The following AIG1 variants were observed in gnomAD, a reference collection of about 807,000 sequenced individuals.
The protein encoded by AIG1 is androgen induced 1, also known as androgen-induced gene 1 protein.
In AIG1, 23 loss-of-function variants were observed where a neutral mutation model predicts 31.4. The ratio of observed to expected loss-of-function variants is 0.73; its 90% confidence interval spans 0.53 to 1.04. The LOEUF (loss-of-function observed/expected upper bound fraction) is 1.04, where lower values mean the gene tolerates loss of function less well. Among genes scored for constraint, AIG1 ranks in the 50% least tolerant of loss-of-function variants. The pLI is 0.00. For synonymous variants in AIG1, 100 were observed against 110.5 expected, an observed-to-expected ratio of 0.90 and a Z score of 0.60; for missense variants, 274 against 295.0, an observed-to-expected ratio of 0.93 and a Z score of 0.52.
intron 5 of AIG1, among the ~76,000 whole-genome samples, chr6:143,337,497 G>T (rs73000105): frequency 1.1e-4 from 16 of 151,974 alleles, no homozygotes; most frequent in Non-Finnish European, 1.8e-4. Context: ...TGGAGCGCGG[G>T]GGGGGACACA....
At chr6:143,099,883 T>C (rs1780096978) in intron 1 of AIG1, among the ~76,000 whole-genome samples, 1 of 152,212 alleles carries the variant, frequency 6.6e-6, no homozygotes, top group Admixed American at 6.5e-5. Context: ...TAGAAGTGTG[T>C]ATTTGTAGAA....
At chr6:143,138,989 A>G (rs1396544488) in intron 2 of AIG1, among the ~76,000 whole-genome samples, 1 of 151,930 alleles carries the variant, frequency 6.6e-6, no homozygotes, top group Non-Finnish European at 1.5e-5. Context: ...CTCTACAGGG[A>G]AAATTTTGAC....
chr6:143,204,187 A>G (rs999859691), intron 3 of AIG1, among the ~76,000 whole-genome samples: 3 of 152,188 alleles, frequency 2.0e-5, no homozygotes, highest in Non-Finnish European at 4.4e-5. Context: ...ACTTTGTTAT[A>G]GCTTAGGATT....
At chr6:143,261,969 C>T (rs1407156369) in intron 3 of AIG1, among the ~76,000 whole-genome samples, 1 of 152,214 alleles carries the variant, frequency 6.6e-6, no homozygotes, top group Admixed American at 6.5e-5. Context: ...GATTATCTTT[C>T]AGAAAGCATT....
At chr6:143,192,287 A>G in intron 3 of AIG1, among the ~76,000 whole-genome samples, 1 of 152,200 alleles carries the variant, frequency 6.6e-6, no homozygotes, top group Non-Finnish European at 1.5e-5. Flanking sequence ...GACTGAAGGA[A>G]TAAGTCCTCA....
At chr6:143,134,348 A>G (rs1335387863) in intron 1 of AIG1, among the ~76,000 whole-genome samples, 3 of 118,436 alleles carry the variant, frequency 2.5e-5, no homozygotes, top group Admixed American at 8.0e-5. Flanking sequence ...TTATCTTTGC[A>G]TTTTTTTTTG....
chr6:143,292,169 A>G lies in AIG1; in HGVS notation c.515+7944A>G, dbSNP rs1210045194. 6.6e-6 allele frequency among the ~76,000 whole-genome samples: 1 copy of G among 152,198 alleles called. No individual in the cohort carries two copies. Among genetic ancestry groups the G allele is most frequent in the African/African-American group, 2.4e-5 (1 of 41,434 alleles). ...TAACCTTGGTATGGAAGGCAAAATA[A>G]TGCTCACCACAAGCCCCCAAAGATA... On this transcript the variant is annotated intron_variant, in intron 4 of 5. Coordinates refer to ENST00000357847, the MANE Select transcript of AIG1 (RefSeq NM_016108.4). This position sits in a 1 kb window ranked among gnomAD's most constrained non-coding sequence, Gnocchi z 4.9.
chr6:143,078,213 G>A lies in AIG1; in HGVS notation c.141+17147G>A, dbSNP rs536400121. Among the ~76,000 whole-genome samples, 31 of 152,066 alleles carry A rather than the reference G, an allele frequency of 2.0e-4. 1 individual carries two copies. The South Asian group carries it at 5.8e-3, about 29-fold the overall frequency. On this transcript the variant is annotated intron_variant, in intron 1 of 5. Transcript: ENST00000357847. ...GTATTTCAGTTCTAAAATGTCCACC[G>A]GGTTCCATTTTATGGTTACTGTTTC...
At chr6:143,216,917 G>A (rs1170604898) in intron 3 of AIG1, among the ~76,000 whole-genome samples, 2 of 152,078 alleles carry the variant, frequency 1.3e-5, no homozygotes, top group Admixed American at 6.6e-5. Flanking sequence ...CTCTAATCTG[G>A]TTCTTCATTT....
intron 3 of AIG1, among the ~76,000 whole-genome samples, chr6:143,198,235 C>T (rs993000880): frequency 2.6e-5 from 4 of 152,170 alleles, no homozygotes; most frequent in Non-Finnish European, 5.9e-5. Context: ...GTGTCATATA[C>T]TTTAAATAAC....
chr6:143,117,513 T>C (rs1039400169), intron 1 of AIG1, among the ~76,000 whole-genome samples: 2 of 151,894 alleles, frequency 1.3e-5, no homozygotes, highest in African/African-American at 2.4e-5. Flanking sequence ...GGCCATCCAT[T>C]GAGATGAGGA....
chr6:143,238,949 A>G (rs1479893516), intron 3 of AIG1, among the ~76,000 whole-genome samples: 1 of 152,240 alleles, frequency 6.6e-6, no homozygotes, highest in Admixed American at 6.5e-5. Context: ...CATAATTACC[A>G]GGATAGATTG....
chr6:143,129,412 G>A (rs965010338), intron 1 of AIG1, among the ~76,000 whole-genome samples: 3 of 152,214 alleles, frequency 2.0e-5, no homozygotes, highest in East Asian at 1.9e-4. Context: ...GGTGGGGGCT[G>A]TACTATAGTC....
rs145155526 is a variant in AIG1, at chr6:143,159,834, C to T, written c.298-5248C>T. On this transcript the variant is annotated intron_variant, in intron 2 of 5. Coordinates refer to ENST00000357847, the MANE Select transcript of AIG1 (RefSeq NM_016108.4). ...CAGAGACGAAGCCAGATAGCATGCA[C>T]AACACCCAGCTTATTCTCACACCCA... Among the ~76,000 whole-genome samples the T allele has an allele frequency of 3.4e-3, 521 of 152,252 alleles. 2 individuals carry two copies. In the Middle Eastern group the frequency reaches 0.037, roughly 11 times the overall value.
rs143005488 is a variant in AIG1, at chr6:143,220,465, A to G, written c.399+55282A>G. Among the ~76,000 whole-genome samples the G allele has an allele frequency of 3.7e-3, 565 of 152,270 alleles. 3 individuals carry two copies. Among genetic ancestry groups the G allele is most frequent in the African/African-American group, 0.012 (518 of 41,558 alleles). On this transcript the variant is annotated intron_variant, in intron 3 of 5. Transcript: ENST00000357847. ...TTGTGAATGAAAGAATGAACACGAG[A>G]CGTTGATATTATAATCTCTATCATA...
At chr6:143,187,949 T>A in intron 3 of AIG1, 1 of 1,242,404 alleles carries the variant, frequency 8.0e-7, no homozygotes, top group Non-Finnish European at 1.0e-6. Flanking sequence ...ATACTTGCTC[T>A]TGATTTTATT....
At chr6:143,318,019 C>T (rs954906157) in intron 4 of AIG1, among the ~76,000 whole-genome samples, 1 of 152,108 alleles carries the variant, frequency 6.6e-6, no homozygotes, top group African/African-American at 2.4e-5. Context: ...AATGGAAACA[C>T]ATCCCATGCT....
chr6:143,184,980 AAGGTCAAG>A (rs939571026), intron 3 of AIG1, among the ~76,000 whole-genome samples: 11 of 151,928 alleles, frequency 7.2e-5, no homozygotes, highest in Admixed American at 2.0e-4. Flanking sequence ...GGCGGATCAC[AAGGTCAAG>A]AGATGGAGAC....
At chr6:143,135,784 T>C (rs1345470390) in intron 1 of AIG1, among the ~76,000 whole-genome samples, 1 of 152,126 alleles carries the variant, frequency 6.6e-6, no homozygotes, top group African/African-American at 2.4e-5. Flanking sequence ...AATGAGGAAA[T>C]TTACCAAAAA....
Sources: gnomAD v4.1 joint callset for allele counts (sites outside exome capture counted in the v4.1 genomes callset) on GRCh38, gnomAD v4.1.1 for gene constraint, Gnocchi (gnomAD v3.1) non-coding constraint, MANE v1.5 for transcripts, NCBI Gene and HGNC (gene_info 2026-07-23, HGNC 2026-07-21) for gene names.